ACADSB: variants seen among roughly 807,000 people sequenced by gnomAD.
The protein encoded by ACADSB is short/branched chain specific acyl-CoA dehydrogenase, mitochondrial.
In ACADSB, 40 loss-of-function variants were observed where a neutral mutation model predicts 54.1. The ratio of observed to expected loss-of-function variants is 0.74; its 90% CI spans 0.57 to 0.96. The LOEUF is 0.96. ACADSB is among the 40% of genes least tolerant of loss of function. The pLI, the probability that ACADSB is intolerant of heterozygous loss-of-function variation, is 0.00. For synonymous variants in ACADSB, 182 were observed against 182.8 expected (o/e 1.00, Z 0.03); for missense variants, 530 against 510.4 (o/e 1.04, Z -0.37).
Position 123,041,332 on chromosome 10 carries a change from G to T in ACADSB, c.634G>T (p.Glu212Ter). 6.2e-7 allele frequency: 1 copy of T among 1,614,196 alleles called. No individual in the cohort carries two copies. Among genetic ancestry groups the T allele is most frequent in the Non-Finnish European group, 8.5e-7 (1 of 1,180,034 alleles). ...NGSKMWISSA[E>*]HAGLFLVMAN... ...ATCAAAGATGTGGATCAGCAGTGCT[G>T]AGCACGCAGGGCTCTTTCTGGTGAT... is the stretch of plus-strand genomic sequence containing the variant. Residue 212 changes from glutamate (E) to a stop codon, truncating the protein, a stop_gained, in exon 5 of 11, where the codon GAG becomes TAG. Coordinates refer to ENST00000358776, the MANE Select transcript of ACADSB (RefSeq NM_001609.4). LOFTEE classifies it high-confidence loss of function.
Position 123,035,697 on chromosome 10 carries a change from C to T in ACADSB, c.202+1182C>T, listed in dbSNP as rs543710320. Reference sequence around the variant, plus strand: ...CCAAGCTCCCGTGGTTGTGTCAGTACGCAGTTCTTTGCTGTTGCAGGGCTG... The same window carrying T: ...CCAAGCTCCCGTGGTTGTGTCAGTATGCAGTTCTTTGCTGTTGCAGGGCTG... On this transcript the variant is annotated intron_variant, in intron 2 of 10. Transcript: ENST00000358776. 4.6e-5 allele frequency among the ~76,000 whole-genome samples: 7 copies of T among 152,284 alleles called. No individual in the cohort carries two copies. The East Asian group carries it at 7.7e-4, about 17-fold the overall frequency.
At chr10:123,009,196 C>G in intron 1 of ACADSB, 125 bp downstream of exon 1, 1 of 1,093,532 alleles carries the variant, frequency 9.1e-7, no homozygotes. Context: ...GTCCTGGGTC[C>G]CCAGACTCTT....
intron 1 of ACADSB, among the ~76,000 whole-genome samples, chr10:123,013,565 C>CG (rs1850068933): frequency 6.6e-6 from 1 of 152,226 alleles, no homozygotes; most frequent in African/African-American, 2.4e-5. Context: ...TGGCGCTCGT[C>CG]GGGGAGGCTC....
chr10:123,047,379 A>G, intron 8 of ACADSB, 81 bp downstream of exon 8: 1 of 1,015,124 alleles, frequency 9.9e-7, no homozygotes, highest in Non-Finnish European at 1.6e-6. Flanking sequence ...AAATCCATGG[A>G]GGGAATCCCT....
At position 123,009,038 on chromosome 10, in the gene ACADSB, C is replaced by T. The variant is rs1473575588; in HGVS notation, c.9C>T (p.Gly3=). ...AGAGGCCTGCGGCGAGGATGGAGGG[C>T]CTGGCAGTGCGGTTGCTGCGCGGCA... ME[G]LAVRLLRGSR... Residue 3 remains glycine (G), a synonymous_variant, in exon 1 of 11, where the codon GGC becomes GGT. Coordinates refer to ENST00000358776, the MANE Select transcript of ACADSB (RefSeq NM_001609.4). 2 of 1,548,008 alleles carry T rather than the reference C, an allele frequency of 1.3e-6. No homozygotes were observed. Among genetic ancestry groups the T allele is most frequent in the South Asian group, 2.4e-5 (2 of 84,028 alleles).
At chr10:123,024,871 G>C (rs1190817925) in intron 1 of ACADSB, among the ~76,000 whole-genome samples, 2 of 152,220 alleles carry the variant, frequency 1.3e-5, no homozygotes, top group East Asian at 3.9e-4. Context: ...CTGAAGTATA[G>C]TTACAAAATT....
At chr10:123,036,981 G>T (rs1014622333) in intron 2 of ACADSB, among the ~76,000 whole-genome samples, 4 of 152,348 alleles carry the variant, frequency 2.6e-5, no homozygotes, top group Admixed American at 1.3e-4. Context: ...TCATCAAAAT[G>T]ATTTATAAAT....
At chr10:123,044,627 A>T in intron 7 of ACADSB, 142 bp downstream of exon 7, 1 of 708,598 alleles carries the variant, frequency 1.4e-6, no homozygotes, top group Non-Finnish European at 2.5e-6. Context: ...ATGGCTTATT[A>T]TTTCTTTCAA....
At chr10:123,042,457 C>CTTTTTT (rs60480402) in intron 5 of ACADSB, among the ~76,000 whole-genome samples, 8 of 115,790 alleles carry the variant, frequency 6.9e-5, no homozygotes, top group East Asian at 2.5e-4. Flanking sequence ...ATTGTTAAAA[C>CTTTTTT]TTTTTTTTTT....
intron 2 of ACADSB, among the ~76,000 whole-genome samples, chr10:123,034,871 T>C (rs572223149): frequency 3.3e-5 from 5 of 152,236 alleles, no homozygotes; most frequent in Admixed American, 6.5e-5. Flanking sequence ...GTTTCTTATA[T>C]AGCCTTGCAG....
intron 1 of ACADSB, among the ~76,000 whole-genome samples, chr10:123,013,280 T>C (rs891044613): frequency 4.6e-5 from 7 of 152,210 alleles, no homozygotes; most frequent in Non-Finnish European, 8.8e-5. Context: ...AGAGTACCGA[T>C]TGGTGCATCC....
intron 2 of ACADSB, among the ~76,000 whole-genome samples, chr10:123,037,545 G>A (rs192889607): frequency 1.3e-5 from 2 of 152,136 alleles, no homozygotes; most frequent in African/African-American, 4.8e-5. Context: ...CATTTATTTT[G>A]TGAGGTCATC....
rs149260188 is a variant in ACADSB at position 123,032,440 on chromosome 10, A to G, written c.43-1916A>G. On this transcript the variant is annotated intron_variant, in intron 1 of 10. Coordinates refer to ENST00000358776, the MANE Select transcript of ACADSB (RefSeq NM_001609.4). ...TTTTGAAATGTAATAGGTAAGTTTCATGAGCATTTTGTGAAGAAGCCTAGT... is the reference window on the plus strand; with the variant it reads ...TTTTGAAATGTAATAGGTAAGTTTCGTGAGCATTTTGTGAAGAAGCCTAGT... Among the ~76,000 whole-genome samples, 609 of 152,270 alleles carry G rather than the reference A, an allele frequency of 4.0e-3. 1 individual carries two copies. Among genetic ancestry groups the G allele is most frequent in the African/African-American group, 0.014 (565 of 41,564 alleles).
intron 1 of ACADSB, among the ~76,000 whole-genome samples, chr10:123,025,898 T>C (rs1003502512): frequency 6.6e-6 from 1 of 152,024 alleles, no homozygotes; most frequent in Non-Finnish European, 1.5e-5. Flanking sequence ...CTGTCTCTAC[T>C]AAAAATACAA....
chr10:123,023,911 G>C (rs1195879605), intron 1 of ACADSB, among the ~76,000 whole-genome samples: 2 of 152,206 alleles, frequency 1.3e-5, no homozygotes, highest in Non-Finnish European at 2.9e-5. Context: ...CCTCTGCCTA[G>C]GGTGTCCCCT....
At chr10:123,017,488 T>G (rs1589731895) in intron 1 of ACADSB, among the ~76,000 whole-genome samples, 2 of 152,314 alleles carry the variant, frequency 1.3e-5, no homozygotes, top group Non-Finnish European at 2.9e-5. Context: ...CGGCTAATTT[T>G]TGTATTTTTA....
intron 5 of ACADSB, among the ~76,000 whole-genome samples, chr10:123,041,636 A>T (rs1850475143): frequency 6.6e-6 from 1 of 151,074 alleles, no homozygotes; most frequent in Non-Finnish European, 1.5e-5. Context: ...ATATTTGATT[A>T]AAAAAAAATT....
intron 1 of ACADSB, among the ~76,000 whole-genome samples, chr10:123,031,987 C>CT (rs1046083592): frequency 2.2e-4 from 32 of 147,834 alleles, no homozygotes; most frequent in South Asian, 4.3e-4. Flanking sequence ...TTTTCTTTTT[C>CT]TTTTTTTTTT....
At position 123,044,433 on chromosome 10, in the gene ACADSB, A is replaced by G. The variant is rs201035053; in HGVS notation, c.848A>G (p.Tyr283Cys). The G allele has an allele frequency of 3.0e-5, 49 of 1,613,880 alleles. No homozygotes were observed. The East Asian group carries it at 7.4e-4, about 24-fold the overall frequency. Reference protein sequence around the residue: ...ANILGQIGHGYKYAIGSLNEG... With the variant: ...ANILGQIGHGCKYAIGSLNEG... ...ATCTTGGGACAAATTGGACATGGCT[A>G]TAAGTATGCCATAGGGAGTCTCAAT... The change falls in exon 7 of 11, where the codon TAT becomes TGT. Residue 283 changes from tyrosine to cysteine, a missense_variant. Coordinates refer to ENST00000358776, the MANE Select transcript of ACADSB (RefSeq NM_001609.4).
Sources: gnomAD v4.1 joint callset for allele counts (sites outside exome capture counted in the v4.1 genomes callset) on GRCh38, gnomAD v4.1.1 for gene constraint, MANE v1.5 for transcripts, NCBI Gene and HGNC (gene_info 2026-07-23, HGNC 2026-07-21) for gene names.